Variants in APBA1 observed in about 807,000 individuals in gnomAD.
APBA1 encodes amyloid beta precursor protein binding family A member 1.
Under a neutral mutation model 86.6 loss-of-function variants are expected in APBA1, and 55 were observed. The observed-to-expected ratio is 0.64, with a 90% confidence interval of 0.51 to 0.80. The LOEUF (loss-of-function observed/expected upper bound fraction) is 0.80, where lower values mean the gene tolerates loss of function less well. APBA1 is among the 30% of genes least tolerant of loss of function. APBA1 has a pLI of 0.00. For synonymous variants in APBA1, 511 were observed against 493.9 expected (o/e 1.03, Z -0.46); for missense variants, 1,090 against 1,183.0 (o/e 0.92, Z 1.15).
At chr9:69,523,463 GTATATATATATATGTATATATA>G (rs1370178560) in intron 1 of APBA1, among the ~76,000 whole-genome samples, 4 of 109,192 alleles carry the variant, frequency 3.7e-5, no homozygotes, top group African/African-American at 7.8e-5. Context: ...TCATGTATGT[GTATATATATATATGTATATATA>G]TATATATATA....
intron 1 of APBA1, among the ~76,000 whole-genome samples, chr9:69,558,553 C>A (rs1336002374): frequency 7.4e-6 from 1 of 134,824 alleles, no homozygotes; most frequent in Non-Finnish European, 1.5e-5. Context: ...CATACACACA[C>A]ACACACACAT....
intron 1 of APBA1, among the ~76,000 whole-genome samples, chr9:69,670,608 C>T (rs1346788170): frequency 6.6e-6 from 1 of 152,178 alleles, no homozygotes; most frequent in Non-Finnish European, 1.5e-5. Flanking sequence ...CCTGGATACA[C>T]ATGAATATGC....
At chr9:69,561,177 T>C (rs1191574878) in intron 1 of APBA1, among the ~76,000 whole-genome samples, 1 of 152,184 alleles carries the variant, frequency 6.6e-6, no homozygotes, top group Non-Finnish European at 1.5e-5. Flanking sequence ...TGCCAGTGAA[T>C]AATGAGATAA....
chr9:69,435,155 T>C (rs1203148490), intron 11 of APBA1, among the ~76,000 whole-genome samples: 2 of 152,092 alleles, frequency 1.3e-5, no homozygotes, highest in Non-Finnish European at 2.9e-5. Context: ...TAGTATTCCA[T>C]GGTGTATATG....
chr9:69,566,715 G>A (rs561196704), intron 1 of APBA1, among the ~76,000 whole-genome samples: 13 of 151,988 alleles, frequency 8.6e-5, no homozygotes, highest in Non-Finnish European at 1.6e-4. Flanking sequence ...TTGCACCTGC[G>A]GCCCTCTCCA....
chr9:69,563,327 A>T (rs1836975922), intron 1 of APBA1, among the ~76,000 whole-genome samples: 1 of 93,598 alleles, frequency 1.1e-5, no homozygotes, highest in Non-Finnish European at 2.4e-5. Flanking sequence ...AGATTTTTCT[A>T]CTAAATTTCT....
intron 1 of APBA1, among the ~76,000 whole-genome samples, chr9:69,562,674 C>T (rs1018015882): frequency 2.0e-5 from 3 of 152,064 alleles, no homozygotes; most frequent in Non-Finnish European, 4.4e-5. Flanking sequence ...TGTACCCGGC[C>T]TGTATTTCTG....
intron 1 of APBA1, among the ~76,000 whole-genome samples, chr9:69,549,131 T>C (rs1354394016): frequency 6.6e-6 from 1 of 152,176 alleles, no homozygotes; most frequent in African/African-American, 2.4e-5. Flanking sequence ...TATATAGTAG[T>C]TACAGAACAG....
At chr9:69,458,090 G>A in intron 6 of APBA1, 66 bp downstream of exon 6, 2 of 1,455,168 alleles carry the variant, frequency 1.4e-6, no homozygotes, top group Non-Finnish European at 1.9e-6. Flanking sequence ...AATATAAAAA[G>A]GTAAAACAGA....
At chr9:69,476,678 A>G (rs1835452705) in intron 2 of APBA1, among the ~76,000 whole-genome samples, 1 of 152,220 alleles carries the variant, frequency 6.6e-6, no homozygotes, top group African/African-American at 2.4e-5. Context: ...TTTAGTCTAC[A>G]GGCTATTGAA....
At chr9:69,463,966 T>C (rs1165785958) in intron 5 of APBA1, 1 of 152,260 alleles carries the variant, frequency 6.6e-6, no homozygotes, top group Admixed American at 6.5e-5. Context: ...TCTGTCAAGG[T>C]GGCCTAGAAT....
chr9:69,671,273 T>A (rs938112626), intron 1 of APBA1, among the ~76,000 whole-genome samples: 1 of 152,156 alleles, frequency 6.6e-6, no homozygotes, highest in African/African-American at 2.4e-5. Context: ...AAGACCCTTA[T>A]GGAACAGGTG....
chr9:69,625,785 G>A (rs547752698), intron 1 of APBA1, among the ~76,000 whole-genome samples: 1 of 152,256 alleles, frequency 6.6e-6, no homozygotes, highest in African/African-American at 2.4e-5. Flanking sequence ...AAGAGGTTTT[G>A]ACTCAATGCA....
At chr9:69,445,970 C>T (rs181472701) in intron 10 of APBA1, among the ~76,000 whole-genome samples, 148 of 152,234 alleles carry the variant, frequency 9.7e-4, no homozygotes, top group African/African-American at 3.0e-3. Flanking sequence ...CCAGGTGATT[C>T]CAATCAGTTT....
intron 1 of APBA1, among the ~76,000 whole-genome samples, chr9:69,611,430 C>T (rs964274416): frequency 4.0e-5 from 6 of 151,778 alleles, no homozygotes; most frequent in Admixed American, 1.3e-4. Context: ...GACTGTTTTT[C>T]TGATGCAATT....
intron 1 of APBA1, among the ~76,000 whole-genome samples, chr9:69,609,141 T>C (rs1206804304): frequency 6.6e-6 from 1 of 152,174 alleles, no homozygotes; most frequent in African/African-American, 2.4e-5. Context: ...CTTCTGGGCA[T>C]TGTACTTGGG....
intron 1 of APBA1, among the ~76,000 whole-genome samples, chr9:69,583,170 A>AG (rs1356041516): frequency 6.6e-6 from 1 of 152,142 alleles, no homozygotes; most frequent in Non-Finnish European, 1.5e-5. Flanking sequence ...GGAGGTCATT[A>AG]GGGGGAAGGT....
intron 1 of APBA1, among the ~76,000 whole-genome samples, chr9:69,654,644 G>A (rs754476440): frequency 2.6e-5 from 4 of 152,046 alleles, no homozygotes; most frequent in Non-Finnish European, 4.4e-5. Flanking sequence ...AACTAATACC[G>A]ATTCTTCAAA....
intron 11 of APBA1, among the ~76,000 whole-genome samples, chr9:69,433,907 G>A (rs1588279148): frequency 1.3e-5 from 2 of 151,154 alleles, no homozygotes; most frequent in African/African-American, 4.9e-5. Flanking sequence ...TGCCTCCCGG[G>A]TTCAGGTGAT....
Sources: allele counts gnomAD v4.1 joint callset (sites outside exome capture counted in the v4.1 genomes callset), GRCh38; gene constraint gnomAD v4.1.1; transcripts MANE v1.5; gene names NCBI Gene and HGNC (gene_info 2026-07-23, HGNC 2026-07-21).